ABRAXAS1: variants seen among roughly 807,000 people sequenced by gnomAD.
ABRAXAS1 encodes BRCA1-A complex subunit Abraxas 1.
ABRAXAS1 carries 26 observed loss-of-function variants against 38.4 expected under a neutral mutation model. The ratio of observed to expected loss-of-function variants is 0.68; its 90% CI spans 0.50 to 0.94. ABRAXAS1 has a LOEUF of 0.94. Among genes scored for constraint, ABRAXAS1 ranks in the 40% least tolerant of loss-of-function variants. The pLI is 0.00. For missense variants in ABRAXAS1, 438 were observed against 481.9 expected, an observed-to-expected ratio of 0.91 and a Z score of 0.85; for synonymous variants, 144 against 165.5, an observed-to-expected ratio of 0.87 and a Z score of 1.00.
rs760693074 is a variant in ABRAXAS1, at chr4:83,484,978, C to T, written c.87+8G>A. ...CGACGCCGGACCCCGCCCCGTCCCT[C>T]GGCTCACCGTGTCCGAGTCCGTGTT... On this transcript the variant is annotated splice_region_variant and intron_variant, in intron 1 of 8. Transcript: ENST00000321945. 3.2e-6 allele frequency: 5 copies of T among 1,568,440 alleles called. No individual in the cohort carries two copies. The highest frequency in any genetic ancestry group is 4.3e-6 in the Non-Finnish European group (5 of 1,155,868).
At chr4:83,479,335 C>G (rs540334672) in intron 2 of ABRAXAS1, 1 of 142,768 alleles carries the variant, frequency 7.0e-6, no homozygotes, top group Non-Finnish European at 1.5e-5. Flanking sequence ...ACCCGGGAAG[C>G]AGAGGTTGCA....
chr4:83,478,645 T>C (rs559786567), intron 2 of ABRAXAS1, among the ~76,000 whole-genome samples: 5 of 152,352 alleles, frequency 3.3e-5, no homozygotes, highest in African/African-American at 1.2e-4. Context: ...ATTGAGACTC[T>C]AGCCCCAGAT....
rs1342745839 is a variant in ABRAXAS1, at chr4:83,462,790, A to G, written c.909T>C (p.Asn303=). 8.7e-6 allele frequency: 14 copies of G among 1,613,736 alleles called. No individual in the cohort carries two copies. Among genetic ancestry groups the G allele is most frequent in the African/African-American group, 4.0e-5 (3 of 74,918 alleles). ...TACAGCTACTTTTAGAAACATGTCT[A>G]TTTTTTAAAGACATAACACATGAAT... ...FLHSCVMSLK[N]RHVSKSSCNY... Residue 303 remains asparagine, a synonymous_variant, in exon 9 of 9, where the codon AAT becomes AAC. Coordinates refer to ENST00000321945, the MANE Select transcript of ABRAXAS1 (RefSeq NM_139076.3).
rs766724020 is a variant in ABRAXAS1 at position 83,462,507 on chromosome 4, T to TC, written c.1191dup (p.Lys398GlufsTer5). 32 of 1,613,980 alleles carry TC rather than the reference T, an allele frequency of 2.0e-5. No individual in the cohort carries two copies. The highest frequency in any genetic ancestry group is 2.7e-5 in the Non-Finnish European group (32 of 1,179,984). On this transcript the variant is annotated frameshift_variant, in exon 9 of 9. Coordinates refer to ENST00000321945, the MANE Select transcript of ABRAXAS1 (RefSeq NM_139076.3). LOFTEE classifies it high-confidence loss of function. ...GACCGTGAATATTCACCAAAACCCT[T>TC]CATCTTTTCAATTTCTTCATCTGTT...
chr4:83,468,690 C>T (rs1401163056), intron 6 of ABRAXAS1, among the ~76,000 whole-genome samples: 1 of 152,060 alleles, frequency 6.6e-6, no homozygotes, highest in Non-Finnish European at 1.5e-5. Flanking sequence ...CAACAAGATC[C>T]TCCCAGTACT....
chr4:83,473,618 C>G (rs1722661402), intron 3 of ABRAXAS1, among the ~76,000 whole-genome samples: 1 of 152,004 alleles, frequency 6.6e-6, no homozygotes, highest in Non-Finnish European at 1.5e-5. Context: ...CCTCTGCCCT[C>G]AAGCAATCCT....
In ABRAXAS1 at chr4:83,470,268, T is replaced by C. The variant is rs749775139; in HGVS notation, c.411A>G (p.Pro137=). The C allele has an allele frequency of 1.9e-6, 3 of 1,613,762 alleles. No homozygotes were observed. The South Asian group carries it at 3.3e-5, about 18-fold the overall frequency. Reference sequence around the variant, plus strand: ...TAGAGCAGCTTTCTGTTATTATACTTGGTGTTAATAGCAGAAAAACAAGGT... The same window carrying C: ...TAGAGCAGCTTTCTGTTATTATACTCGGTGTTAATAGCAGAAAAACAAGGT... ...NQDLVFLLLT[P]SIITESCSTH... The change falls in exon 5 of 9, where the codon CCA becomes CCG. Residue 137 remains proline, a synonymous_variant. Coordinates refer to ENST00000321945, the MANE Select transcript of ABRAXAS1 (RefSeq NM_139076.3).
At position 83,462,779 on chromosome 4, in the gene ABRAXAS1, G is replaced by A; in HGVS notation, c.920C>T (p.Ser307Phe). 3 of 1,613,916 alleles carry A rather than the reference G, an allele frequency of 1.9e-6. No individual in the cohort carries two copies. Among genetic ancestry groups the A allele is most frequent in the East Asian group, 2.2e-5 (1 of 44,854 alleles). Reference sequence around the variant, plus strand: ...GTGGTTGTAGTTACAGCTACTTTTAGAAACATGTCTATTTTTTAAAGACAT... The same window carrying A: ...GTGGTTGTAGTTACAGCTACTTTTAAAAACATGTCTATTTTTTAAAGACAT... The part of the protein sequence containing the change: ...CVMSLKNRHV[S>F]KSSCNYNHHL... The change falls in exon 9 of 9, where the codon TCT (serine) becomes TTT (phenylalanine). Residue 307 changes from serine to phenylalanine, a missense_variant. By Grantham distance (155) the Ser-to-Phe change is radical. Transcript: ENST00000321945.
chr4:83,462,251 A>G lies in ABRAXAS1; in HGVS notation c.*218T>C. On this transcript the variant is annotated 3_prime_UTR_variant, in exon 9 of 9. Transcript: ENST00000321945. Reference sequence around the variant, plus strand: ...AAGCCTTCCCCTCAACAACTTAGTGAAAGGTGAAAAAAAGGTTTGGAAATA... The same window carrying G: ...AAGCCTTCCCCTCAACAACTTAGTGGAAGGTGAAAAAAAGGTTTGGAAATA... 2.0e-6 allele frequency: 1 copy of G among 505,696 alleles called. No individual in the cohort carries two copies. The highest frequency in any genetic ancestry group is 3.4e-5 in the East Asian group (1 of 29,550). The allele number at this position is 505,696 out of a possible 1,614,324, so 31.3% of individuals were successfully genotyped here.
At chr4:83,482,935 T>G (rs552091007) in intron 1 of ABRAXAS1, among the ~76,000 whole-genome samples, 1 of 152,144 alleles carries the variant, frequency 6.6e-6, no homozygotes, top group Non-Finnish European at 1.5e-5. Flanking sequence ...CAGAGCACTT[T>G]GCCTTGGAGC....
At chr4:83,482,732 G>C (rs562012255) in intron 1 of ABRAXAS1, among the ~76,000 whole-genome samples, 1 of 152,024 alleles carries the variant, frequency 6.6e-6, no homozygotes, top group Non-Finnish European at 1.5e-5. Flanking sequence ...GAGAGGAAGG[G>C]AAAGAGATTA....
In ABRAXAS1 at chr4:83,468,140, T is replaced by TA. The variant is rs1469672646; in HGVS notation, c.597-603dup. 1.7e-4 allele frequency among the ~76,000 whole-genome samples: 25 copies of TA among 151,366 alleles called. 1 individual carries two copies. The highest frequency in any genetic ancestry group is 1.2e-3 in the Admixed American group (18 of 15,160). ...CAACATGGAGAAACCCCGTCTCTAC[T>TA]AAAAAAAATACAAAATTAGCCGGGC... is the stretch of plus-strand genomic sequence containing the variant. On this transcript the variant is annotated intron_variant, in intron 6 of 8. Coordinates refer to ENST00000321945, the MANE Select transcript of ABRAXAS1 (RefSeq NM_139076.3).
intron 2 of ABRAXAS1, chr4:83,480,307 G>C (rs1215262233): frequency 2.6e-6 from 1 of 380,604 alleles, no homozygotes; most frequent in South Asian, 1.9e-5. Context: ...GAGAGGCAGA[G>C]GTTGCAGTGA....
At position 83,459,740 on chromosome 4, in the gene ABRAXAS1, C is replaced by A. The variant is rs773613874; in HGVS notation, c.*2729G>T. 8.7e-6 allele frequency: 14 copies of A among 1,608,858 alleles called. No homozygotes were observed. The highest frequency in any genetic ancestry group is 1.2e-5 in the Non-Finnish European group (14 of 1,177,570). On this transcript the variant is annotated 3_prime_UTR_variant, in exon 9 of 9. Transcript: ENST00000321945. ...CCCTCCACATAAAACTCCAAAACAGCTTTTGTCCCAGTTTGTTTCTCCATT... is the reference window on the plus strand; with the variant it reads ...CCCTCCACATAAAACTCCAAAACAGATTTTGTCCCAGTTTGTTTCTCCATT...
intron 4 of ABRAXAS1, among the ~76,000 whole-genome samples, chr4:83,471,272 C>T (rs1722583263): frequency 7.5e-6 from 1 of 132,896 alleles, no homozygotes; most frequent in East Asian, 2.3e-4. Flanking sequence ...GGCACGATCT[C>T]AGCTCATTGC....
chr4:83,484,037 T>C, intron 1 of ABRAXAS1: 2 of 982,916 alleles, frequency 2.0e-6, no homozygotes, highest in Non-Finnish European at 2.4e-6. Flanking sequence ...AATTTTGTAA[T>C]GTTTAGATTT....
Position 83,482,189 on chromosome 4 carries a change from G to A in ABRAXAS1, c.143C>T (p.Ser48Phe). The A allele has an allele frequency of 6.2e-7, 1 of 1,611,134 alleles. No homozygotes were observed. Among genetic ancestry groups the A allele is most frequent in the Non-Finnish European group, 8.5e-7 (1 of 1,179,030 alleles). ...AACAACTTCAACATCATCCATTTGGGAATCAGTAATGCTGTTCTTGGCTTC... is the reference window on the plus strand; with the variant it reads ...AACAACTTCAACATCATCCATTTGGAAATCAGTAATGCTGTTCTTGGCTTC... ...KGEAKNSITD[S>F]QMDDVEVVYT... is the part of the protein sequence containing the mutation. The change falls in exon 2 of 9, where the codon TCC (serine) becomes TTC (phenylalanine). Residue 48 changes from serine (S) to phenylalanine (F), a missense_variant. Around this residue, in one of 3 missense-constraint regions of ABRAXAS1, gnomAD observed 194 missense variants for 269.0 expected, o/e 0.72. Coordinates refer to ENST00000321945, the MANE Select transcript of ABRAXAS1 (RefSeq NM_139076.3).
At position 83,462,378 on chromosome 4, in the gene ABRAXAS1, AC is replaced by A; in HGVS notation, c.*90del. On this transcript the variant is annotated 3_prime_UTR_variant, in exon 9 of 9. Coordinates refer to ENST00000321945, the MANE Select transcript of ABRAXAS1 (RefSeq NM_139076.3). The stretch of plus-strand genomic sequence containing the variant: ...GAACATAGTAAAAACAAATGAACTT[AC>A]TGCAAGTAGCTCAACATAGTAAAAA... 10 of 1,119,168 alleles carry A rather than the reference AC, an allele frequency of 8.9e-6. No individual in the cohort carries two copies. The South Asian group carries it at 1.4e-4, about 15-fold the overall frequency. 69.3% of individuals were successfully genotyped at this position (1,119,168 alleles called of 1,614,324 possible).
chr4:83,472,431 A>C, intron 3 of ABRAXAS1, 143 bp from the exon 4 acceptor site: 2 of 435,920 alleles, frequency 4.6e-6, no homozygotes, highest in South Asian at 8.5e-5. Context: ...TAAAATAAAC[A>C]GTAGAGAAAG....
Sources: allele counts gnomAD v4.1 joint callset (sites outside exome capture counted in the v4.1 genomes callset), GRCh38; gene constraint gnomAD v4.1.1; regional missense constraint gnomAD v4.1.1; transcripts MANE v1.5; gene names NCBI Gene and HGNC (gene_info 2026-07-23, HGNC 2026-07-21).